The following GALNT13 variants were observed in gnomAD, a reference collection of about 807,000 sequenced individuals.
GALNT13 encodes the protein polypeptide N-acetylgalactosaminyltransferase 13, also known as UDP-GalNAc:polypeptide N-acetylgalactosaminyltransferase 13.
In GALNT13, 28 loss-of-function variants were observed where a neutral mutation model predicts 64.2. The observed-to-expected ratio is 0.44, with a 90% CI of 0.32 to 0.60. GALNT13 has a LOEUF of 0.60. Ranked by LOEUF, GALNT13 falls within the 20% of genes least tolerant of loss-of-function variation. The pLI, the probability that GALNT13 is intolerant of heterozygous loss-of-function variation, is 0.05. For synonymous variants in GALNT13, 214 were observed against 224.6 expected, an observed-to-expected ratio of 0.95 and a Z score of 0.42; for missense variants, 577 against 669.8, an observed-to-expected ratio of 0.86 and a Z score of 1.53.
At chr2:153,720,857 G>A in the GALNT13 span, among the ~76,000 whole-genome samples, 1 of 150,680 alleles carries the variant, frequency 6.6e-6, no homozygotes. Context: ...AAAGTGATGG[G>A]GAGAATGGAA....
the GALNT13 span, among the ~76,000 whole-genome samples, chr2:153,223,142 G>T: frequency 6.6e-6 from 1 of 152,226 alleles, no homozygotes; most frequent in Non-Finnish European, 1.5e-5. Context: ...TTAAATATGT[G>T]TGCATCTAAC....
intron 2 of GALNT13, among the ~76,000 whole-genome samples, chr2:153,911,614 T>C (rs1035850314): frequency 6.6e-6 from 1 of 152,196 alleles, no homozygotes; most frequent in African/African-American, 2.4e-5. Flanking sequence ...GGTAATGATT[T>C]CCCTTAGCAT....
chr2:153,804,108 G>A, the GALNT13 span, among the ~76,000 whole-genome samples: 2 of 152,154 alleles, frequency 1.3e-5, no homozygotes, highest in Admixed American at 1.3e-4. Context: ...ACATGCCAAT[G>A]AAATAGAAAT....
the GALNT13 span, among the ~76,000 whole-genome samples, chr2:153,738,357 A>G: frequency 6.6e-6 from 1 of 152,012 alleles, no homozygotes; most frequent in Admixed American, 6.6e-5. Context: ...AAAGTTGTAT[A>G]GTTCACTTCT....
chr2:154,214,630 A>G (rs1687949137), intron 4 of GALNT13, among the ~76,000 whole-genome samples: 1 of 152,100 alleles, frequency 6.6e-6, no homozygotes, highest in Admixed American at 6.5e-5. Context: ...TGATGGTTTT[A>G]TAAGGCTCTT....
the GALNT13 span, among the ~76,000 whole-genome samples, chr2:153,682,001 T>C: frequency 1.4e-3 from 213 of 151,846 alleles, 1 homozygote; most frequent in African/African-American, 4.7e-3. Context: ...AATCTTTCTA[T>C]TGAGTAAAGC....
At chr2:153,542,422 T>C in the GALNT13 span, among the ~76,000 whole-genome samples, 1 of 150,850 alleles carries the variant, frequency 6.6e-6, no homozygotes, top group East Asian at 2.0e-4. Context: ...AGAAAAGAGA[T>C]TTAAGTATAG....
chr2:154,024,998 C>A (rs1396236861), intron 3 of GALNT13, among the ~76,000 whole-genome samples: 1 of 152,168 alleles, frequency 6.6e-6, no homozygotes, highest in Non-Finnish European at 1.5e-5. Context: ...GCGGTGGCTG[C>A]AGAACAGCAG....
intron 9 of GALNT13, among the ~76,000 whole-genome samples, chr2:154,332,916 C>T (rs563628099): frequency 1.3e-5 from 2 of 151,934 alleles, no homozygotes; most frequent in East Asian, 3.9e-4. Context: ...ACACAAAAAA[C>T]CCATAGGTGT....
chr2:153,923,157 C>T (rs1689869943), intron 2 of GALNT13, among the ~76,000 whole-genome samples: 1 of 152,152 alleles, frequency 6.6e-6, no homozygotes, highest in East Asian at 1.9e-4. Flanking sequence ...ACGTCGGCCT[C>T]CCAAAGTGCT....
At chr2:153,192,454 G>A in the GALNT13 span, among the ~76,000 whole-genome samples, 164 of 152,040 alleles carry the variant, frequency 1.1e-3, 1 homozygote, top group African/African-American at 3.9e-3. Flanking sequence ...CCTAACATGT[G>A]GTCTATCGTA....
chr2:153,765,073 A>T, the GALNT13 span, among the ~76,000 whole-genome samples: 1 of 152,176 alleles, frequency 6.6e-6, no homozygotes, highest in South Asian at 2.1e-4. Context: ...CCTCATGAAA[A>T]ATCTTTGTGA....
chr2:153,989,615 G>T (rs2105184427), intron 3 of GALNT13, among the ~76,000 whole-genome samples: 1 of 152,096 alleles, frequency 6.6e-6, no homozygotes, highest in African/African-American at 2.4e-5. Flanking sequence ...GTAAGGAAAG[G>T]TATATGGGTG....
intron 3 of GALNT13, among the ~76,000 whole-genome samples, chr2:154,005,604 A>G (rs962130777): frequency 7.9e-5 from 12 of 152,212 alleles, no homozygotes; most frequent in African/African-American, 2.4e-4. Flanking sequence ...ATCCAAGCAC[A>G]CAGCGAGTTT....
chr2:153,114,841 A>G, the GALNT13 span, among the ~76,000 whole-genome samples: 2 of 151,794 alleles, frequency 1.3e-5, no homozygotes, highest in East Asian at 1.9e-4. Flanking sequence ...TCTCTTTCCA[A>G]TCCCCCTCCA....
the GALNT13 span, among the ~76,000 whole-genome samples, chr2:153,364,190 C>G: frequency 5.9e-5 from 9 of 152,088 alleles, no homozygotes; most frequent in African/African-American, 1.9e-4. Flanking sequence ...ATTCAACATC[C>G]CTTTATGTTA....
chr2:154,267,661 A>C (rs937129669), intron 8 of GALNT13, among the ~76,000 whole-genome samples: 1 of 152,172 alleles, frequency 6.6e-6, no homozygotes, highest in South Asian at 2.1e-4. Flanking sequence ...AACAAACAAA[A>C]AAACTTGTGC....
chr2:153,683,120 G>A, the GALNT13 span, among the ~76,000 whole-genome samples: 1 of 151,742 alleles, frequency 6.6e-6, no homozygotes, highest in Non-Finnish European at 1.5e-5. Flanking sequence ...TGCAGATCAG[G>A]TAGATATATG....
the GALNT13 span, among the ~76,000 whole-genome samples, chr2:153,353,438 T>A: frequency 3.9e-5 from 6 of 152,164 alleles, no homozygotes; most frequent in African/African-American, 1.4e-4. Context: ...TATTTCCCTT[T>A]TGTTTTCTTT....
Sources: allele counts gnomAD v4.1 joint callset (sites outside exome capture counted in the v4.1 genomes callset), GRCh38; gene constraint gnomAD v4.1.1; transcripts MANE v1.5; gene names NCBI Gene and HGNC (gene_info 2026-07-23, HGNC 2026-07-21).